CUL1: variants seen among roughly 807,000 people sequenced by gnomAD.
The protein encoded by CUL1 is cullin-1.
In CUL1, 24 loss-of-function variants were observed where a neutral mutation model predicts 118.0. The ratio of observed to expected loss-of-function variants is 0.20; its 90% CI spans 0.15 to 0.29. The LOEUF is 0.29. Ranked by LOEUF, CUL1 falls within the 10% of genes least tolerant of loss-of-function variation. CUL1 has a pLI of 1.00. For missense variants in CUL1, 361 were observed against 933.8 expected, an observed-to-expected ratio of 0.39 and a Z score of 7.99; for synonymous variants, 332 against 340.4, an observed-to-expected ratio of 0.98 and a Z score of 0.27.
At chr7:148,781,919 C>CA (rs903511674) in intron 9 of CUL1, among the ~76,000 whole-genome samples, 55 of 152,158 alleles carry the variant, frequency 3.6e-4, no homozygotes, top group African/African-American at 1.1e-3. Flanking sequence ...AGGGGTCTTC[C>CA]AAAAAAATAG....
chr7:148,738,304 G>C (rs1028436483), intron 2 of CUL1, among the ~76,000 whole-genome samples: 2 of 152,208 alleles, frequency 1.3e-5, no homozygotes, highest in African/African-American at 4.8e-5. Flanking sequence ...GCACTGGACA[G>C]GTGCCCAGAA....
At chr7:148,795,539 G>A (rs1027820779) in intron 17 of CUL1, among the ~76,000 whole-genome samples, 2 of 152,018 alleles carry the variant, frequency 1.3e-5, no homozygotes, top group Non-Finnish European at 2.9e-5. Context: ...GCCCGAGGCG[G>A]GCGGATCACG....
intron 1 of CUL1, among the ~76,000 whole-genome samples, chr7:148,709,716 T>TGAAGA (rs1389682218): frequency 2.6e-5 from 4 of 152,236 alleles, no homozygotes; most frequent in Non-Finnish European, 5.9e-5. Context: ...TATGGTATTG[T>TGAAGA]CCCAGCCACA....
chr7:148,790,218 C>T, intron 15 of CUL1, 92 bp from the exon 16 acceptor site: 1 of 1,350,264 alleles, frequency 7.4e-7, no homozygotes, highest in South Asian at 1.2e-5. Flanking sequence ...TGACTTTGTA[C>T]TGTAAGCTTG....
In CUL1 at chr7:148,754,858, C is replaced by T. The variant is rs140474790; in HGVS notation, c.315+708C>T. ...AACTCCTGGGATCAAACAATCCTCC[C>T]GCCTTAGCCTTCTGAGTAGCTAGGA... is the stretch of plus-strand genomic sequence containing the variant. On this transcript the variant is annotated intron_variant, in intron 3 of 21. Coordinates refer to ENST00000325222, the MANE Select transcript of CUL1 (RefSeq NM_003592.3). Among the ~76,000 whole-genome samples, 861 of 151,988 alleles carry T rather than the reference C, an allele frequency of 5.7e-3. 10 individuals carry two copies. The highest frequency in any genetic ancestry group is 0.019 in the African/African-American group (773 of 41,474).
intron 2 of CUL1, among the ~76,000 whole-genome samples, chr7:148,733,565 A>G (rs758673627): frequency 3.9e-5 from 6 of 152,202 alleles, no homozygotes; most frequent in African/African-American, 9.7e-5. Context: ...TCATTTTAAA[A>G]TAATCTCCTA....
At chr7:148,723,394 T>A (rs1798457143) in intron 1 of CUL1, among the ~76,000 whole-genome samples, 1 of 152,152 alleles carries the variant, frequency 6.6e-6, no homozygotes, top group Admixed American at 6.5e-5. Flanking sequence ...TTGGGATGAT[T>A]CACAAGGACC....
At chr7:148,768,631 CG>C (rs1563164014) in intron 9 of CUL1, among the ~76,000 whole-genome samples, 1 of 151,992 alleles carries the variant, frequency 6.6e-6, no homozygotes, top group Non-Finnish European at 1.5e-5. Flanking sequence ...GTGATTCGCC[CG>C]CCTTGGCCTC....
At chr7:148,753,454 C>T (rs958687141) in intron 2 of CUL1, among the ~76,000 whole-genome samples, 2 of 148,600 alleles carry the variant, frequency 1.3e-5, no homozygotes, top group Non-Finnish European at 3.0e-5. Flanking sequence ...GTGGACACTG[C>T]TGCCGTTCAC....
At chr7:148,722,853 C>G (rs1347734178) in intron 1 of CUL1, among the ~76,000 whole-genome samples, 2 of 152,342 alleles carry the variant, frequency 1.3e-5, no homozygotes, top group African/African-American at 4.8e-5. Context: ...ATTGAGAACC[C>G]TCTTCCCAGC....
chr7:148,716,725 C>CT (rs1333462118), intron 1 of CUL1, among the ~76,000 whole-genome samples: 1 of 152,226 alleles, frequency 6.6e-6, no homozygotes, highest in Non-Finnish European at 1.5e-5. Context: ...TAAGAATTTA[C>CT]TTTCTTATCA....
chr7:148,798,754 T>A (rs2129463891), intron 20 of CUL1, 77 bp downstream of exon 20: 1 of 1,187,148 alleles, frequency 8.4e-7, no homozygotes, highest in East Asian at 2.3e-5. Flanking sequence ...CCGTGGGGGG[T>A]AGGCGGGGGT....
At position 148,800,912 on chromosome 7, in the gene CUL1, C is replaced by T. The variant is rs894248835; in HGVS notation, c.*330C>T. ...GCTGTCGTCTTGGCAGCACTTGTCA[C>T]GTTGGCAGCACTTTGAGAGCAAGTC... On this transcript the variant is annotated 3_prime_UTR_variant, in exon 22 of 22. Coordinates refer to ENST00000325222, the MANE Select transcript of CUL1 (RefSeq NM_003592.3). The surrounding 1 kb of genome is among the most constrained non-coding windows in gnomAD (Gnocchi z 4.6). 2.4e-5 allele frequency: 5 copies of T among 210,960 alleles called. No homozygotes were observed. The highest frequency in any genetic ancestry group is 1.6e-3 in the Middle Eastern group (1 of 640). The allele number at this position is 210,960 out of a possible 1,614,324, so 13.1% of individuals were successfully genotyped here. A position where few individuals can be genotyped will look rare whatever the true frequency, so the allele number is the denominator to read the frequency against.
intron 1 of CUL1, among the ~76,000 whole-genome samples, chr7:148,700,145 A>G (rs897647792): frequency 1.2e-4 from 18 of 152,134 alleles, no homozygotes; most frequent in African/African-American, 4.3e-4. Flanking sequence ...GTGCGCAAAT[A>G]CTGAATTGCA....
At chr7:148,724,073 G>A (rs1367955082) in intron 1 of CUL1, among the ~76,000 whole-genome samples, 1 of 152,202 alleles carries the variant, frequency 6.6e-6, no homozygotes. Flanking sequence ...GAAGACTGTT[G>A]TAAGTGCTCT....
intron 2 of CUL1, among the ~76,000 whole-genome samples, chr7:148,743,929 A>G (rs1258506767): frequency 6.6e-6 from 1 of 152,202 alleles, no homozygotes; most frequent in African/African-American, 2.4e-5. Flanking sequence ...CTCAAAAAAC[A>G]AATTTTTTTT....
At chr7:148,714,759 C>A (rs1191618767) in intron 1 of CUL1, among the ~76,000 whole-genome samples, 1 of 152,190 alleles carries the variant, frequency 6.6e-6, no homozygotes, top group Non-Finnish European at 1.5e-5. Flanking sequence ...CTGGGCAGAA[C>A]ATGGTCGTCT....
intron 9 of CUL1, among the ~76,000 whole-genome samples, chr7:148,774,755 CCGGCAGGGCTGCT>C (rs1800342737): frequency 2.0e-5 from 3 of 152,122 alleles, no homozygotes; most frequent in African/African-American, 7.2e-5. Context: ...ACTTCAACAC[CCGGCAGGGCTGCT>C]GGGTCTAACA....
At position 148,701,803 on chromosome 7, in the gene CUL1, A is replaced by C. The variant is rs1006226164; in HGVS notation, c.-162+2774A>C. On this transcript the variant is annotated intron_variant, in intron 1 of 21. Transcript: ENST00000325222. ...AGGAGTTGTTACTTGCCATTCTTCAAATTAAAAATATTAGGGCCTTAAAAA... is the reference window on the plus strand; with the variant it reads ...AGGAGTTGTTACTTGCCATTCTTCACATTAAAAATATTAGGGCCTTAAAAA... 2.0e-5 allele frequency among the ~76,000 whole-genome samples: 3 copies of C among 152,348 alleles called. No individual in the cohort carries two copies. In the East Asian group the frequency reaches 5.8e-4, roughly 29 times the overall value.
Sources: gnomAD v4.1 joint callset for allele counts (sites outside exome capture counted in the v4.1 genomes callset) on GRCh38, gnomAD v4.1.1 for gene constraint, Gnocchi (gnomAD v3.1) non-coding constraint, MANE v1.5 for transcripts, NCBI Gene and HGNC (gene_info 2026-07-23, HGNC 2026-07-21) for gene names.